The following CSMD1 variants were observed in gnomAD, a reference collection of about 807,000 sequenced individuals.
CSMD1 encodes CUB and sushi domain-containing protein 1.
CSMD1 carries 213 observed loss-of-function variants against 417.5 expected under a neutral mutation model. That is an observed-to-expected ratio of 0.51 (90% confidence interval 0.46 to 0.57). CSMD1 has a LOEUF of 0.57. CSMD1 is among the 20% of genes least tolerant of loss of function. The probability of loss-of-function intolerance (pLI) is 0.00; values close to 1 mark genes in which losing one functional copy is unlikely to be tolerated. For missense variants in CSMD1, 6,923 were observed against 4,529.7 expected (o/e 1.53, Z -15.17); for synonymous variants, 2,862 against 1,736.8 (o/e 1.65, Z -16.11).
intron 8 of CSMD1, among the ~76,000 whole-genome samples, chr8:3,600,303 G>A (rs751878814): frequency 3.9e-5 from 6 of 152,156 alleles, no homozygotes; most frequent in Non-Finnish European, 7.3e-5. Flanking sequence ...GTGCCAAAGG[G>A]CATTTAATGC....
chr8:4,215,054 A>G (rs1221212620), intron 3 of CSMD1, among the ~76,000 whole-genome samples: 4 of 152,184 alleles, frequency 2.6e-5, no homozygotes, highest in Non-Finnish European at 4.4e-5. Flanking sequence ...GCTGGCTCAG[A>G]GAAAGCCATG....
chr8:4,905,951 C>G (rs1036449107), intron 1 of CSMD1, among the ~76,000 whole-genome samples: 6 of 152,144 alleles, frequency 3.9e-5, no homozygotes, highest in Non-Finnish European at 8.8e-5. Flanking sequence ...CCCAAACCCC[C>G]ATTCATTCTT....
intron 3 of CSMD1, among the ~76,000 whole-genome samples, chr8:4,145,271 G>C (rs754243295): frequency 1.3e-5 from 2 of 151,000 alleles, no homozygotes; most frequent in African/African-American, 2.5e-5. Context: ...AACTTGTAGA[G>C]TTAGACTTCC....
chr8:4,452,280 A>G (rs1338191038), intron 2 of CSMD1, among the ~76,000 whole-genome samples: 2 of 152,200 alleles, frequency 1.3e-5, no homozygotes, highest in African/African-American at 2.4e-5. Flanking sequence ...AAGGAGGATG[A>G]CTTGTCTTAA....
At chr8:3,497,128 G>C (rs1035565080) in intron 10 of CSMD1, among the ~76,000 whole-genome samples, 3 of 152,174 alleles carry the variant, frequency 2.0e-5, no homozygotes, top group Non-Finnish European at 2.9e-5. Flanking sequence ...GCAGCTGTTG[G>C]ATGAAATGTT....
chr8:4,029,862 G>A (rs377134312), intron 4 of CSMD1, among the ~76,000 whole-genome samples: 1 of 151,750 alleles, frequency 6.6e-6, no homozygotes, highest in Non-Finnish European at 1.5e-5. Context: ...ACAAGAATTG[G>A]GTAAATACAG....
chr8:4,800,329 G>T (rs976330721), intron 1 of CSMD1, among the ~76,000 whole-genome samples: 1 of 151,524 alleles, frequency 6.6e-6, no homozygotes, highest in Non-Finnish European at 1.5e-5. Context: ...TACTCGTGAG[G>T]CTGAGGCAGG....
intron 17 of CSMD1, among the ~76,000 whole-genome samples, chr8:3,395,789 C>G (rs182848873): frequency 6.6e-6 from 1 of 152,200 alleles, no homozygotes; most frequent in South Asian, 2.1e-4. Context: ...ACAAATTGAC[C>G]TAACCCTGTT....
At chr8:4,297,424 G>A (rs529954821) in intron 3 of CSMD1, among the ~76,000 whole-genome samples, 4 of 152,060 alleles carry the variant, frequency 2.6e-5, no homozygotes, top group East Asian at 3.9e-4. Flanking sequence ...AATGTTAAAC[G>A]GTATTAAGGA....
At chr8:4,535,638 G>A (rs1797065614) in intron 2 of CSMD1, among the ~76,000 whole-genome samples, 1 of 152,182 alleles carries the variant, frequency 6.6e-6, no homozygotes, top group African/African-American at 2.4e-5. Context: ...AAATCATTCT[G>A]TTCATGATTT....
chr8:3,552,627 G>A (rs970709068), intron 10 of CSMD1, among the ~76,000 whole-genome samples: 8 of 152,192 alleles, frequency 5.3e-5, no homozygotes, highest in South Asian at 2.1e-4. Flanking sequence ...AGTGTAACGC[G>A]TATGCTACAG....
At chr8:3,316,632 G>C (rs1053563442) in intron 23 of CSMD1, among the ~76,000 whole-genome samples, 1 of 152,092 alleles carries the variant, frequency 6.6e-6, no homozygotes, top group African/African-American at 2.4e-5. Flanking sequence ...TGGCAGTTGG[G>C]AACACCAATT....
chr8:3,390,681 C>T (rs1328888124), intron 17 of CSMD1, among the ~76,000 whole-genome samples: 1 of 151,098 alleles, frequency 6.6e-6, no homozygotes, highest in African/African-American at 2.4e-5. Context: ...TTGGTCTTTG[C>T]AAAATAAGTG....
chr8:4,441,829 G>T (rs900941800), intron 2 of CSMD1, among the ~76,000 whole-genome samples: 4 of 152,156 alleles, frequency 2.6e-5, no homozygotes, highest in African/African-American at 9.7e-5. Context: ...ACTGAAGTTT[G>T]AGTAATAAAA....
chr8:4,295,730 GT>G (rs1797640305), intron 3 of CSMD1, among the ~76,000 whole-genome samples: 1 of 124,520 alleles, frequency 8.0e-6, no homozygotes, highest in African/African-American at 3.0e-5. Context: ...ATATATCTGT[GT>G]GTGTGTATAT....
chr8:3,363,892 G>T (rs1809376315), intron 20 of CSMD1, among the ~76,000 whole-genome samples: 1 of 152,078 alleles, frequency 6.6e-6, no homozygotes, highest in Admixed American at 6.6e-5. Context: ...TGTAGAATGG[G>T]GATTGTGCAG....
At chr8:4,542,124 G>C (rs557123167) in intron 2 of CSMD1, among the ~76,000 whole-genome samples, 1 of 151,852 alleles carries the variant, frequency 6.6e-6, no homozygotes. Flanking sequence ...GAACTCAACA[G>C]TTTGGGCAAG....
In CSMD1 at chr8:4,435,729, A is replaced by G. The variant is rs141502967; in HGVS notation, c.303-15664T>C. 5.4e-3 allele frequency among the ~76,000 whole-genome samples: 820 copies of G among 152,210 alleles called. 4 individuals are homozygous for G. Among genetic ancestry groups the G allele is most frequent in the African/African-American group, 0.018 (768 of 41,528 alleles). On this transcript the variant is annotated intron_variant, in intron 2 of 69. Transcript: ENST00000635120. The stretch of plus-strand genomic sequence containing the variant: ...TGTGTGGGGCTGTGGCTGCCTTGAG[A>G]TCTGTCTTGGCCATGTGGCTACAAT...
intron 48 of CSMD1, among the ~76,000 whole-genome samples, chr8:3,088,461 A>G (rs182360511): frequency 7.2e-5 from 11 of 152,288 alleles, no homozygotes; most frequent in African/African-American, 2.6e-4. Flanking sequence ...AATGCTTAAC[A>G]TTGCTCCTTT....
Sources: allele counts gnomAD v4.1 joint callset (sites outside exome capture counted in the v4.1 genomes callset), GRCh38; gene constraint gnomAD v4.1.1; transcripts MANE v1.5; gene names NCBI Gene and HGNC (gene_info 2026-07-23, HGNC 2026-07-21).